The following MATN2 variants were observed in gnomAD, a reference collection of about 807,000 sequenced individuals.
MATN2 encodes the protein matrilin-2.
A neutral mutation model predicts 103.2 loss-of-function variants in MATN2; 69 were observed. The ratio of observed to expected loss-of-function variants is 0.67; its 90% CI spans 0.55 to 0.82. The LOEUF is 0.82. MATN2 is among the 40% of genes least tolerant of loss of function. The pLI, the probability that MATN2 is intolerant of heterozygous loss-of-function variation, is 0.00. For missense variants in MATN2, 1,023 were observed against 1,211.5 expected, an observed-to-expected ratio of 0.84 and a Z score of 2.31; for synonymous variants, 429 against 450.2, an observed-to-expected ratio of 0.95 and a Z score of 0.60.
At chr8:97,874,573 A>AT (rs911320951) in intron 1 of MATN2, among the ~76,000 whole-genome samples, 4 of 150,418 alleles carry the variant, frequency 2.7e-5, no homozygotes, top group East Asian at 2.0e-4. Context: ...GTCTGGCTAA[A>AT]TTTTTTTTTA....
At chr8:97,979,733 C>T (rs2130312212) in intron 6 of MATN2, among the ~76,000 whole-genome samples, 1 of 152,114 alleles carries the variant, frequency 6.6e-6, no homozygotes, top group Non-Finnish European at 1.5e-5. Flanking sequence ...AGTATTAGGG[C>T]CAAGCATTTA....
intron 2 of MATN2, among the ~76,000 whole-genome samples, chr8:97,900,921 C>T (rs911272540): frequency 9.2e-5 from 14 of 152,070 alleles, no homozygotes; most frequent in South Asian, 2.1e-4. Context: ...GGCAACAGAG[C>T]GAGACTCTGT....
chr8:97,951,399 G>A (rs1000395050), intron 4 of MATN2, among the ~76,000 whole-genome samples: 1 of 152,178 alleles, frequency 6.6e-6, no homozygotes, highest in Non-Finnish European at 1.5e-5. Flanking sequence ...TCCTCCGCTT[G>A]GCTGTTTTTA....
chr8:97,898,914 A>T (rs1196323438), intron 2 of MATN2, among the ~76,000 whole-genome samples: 1 of 150,288 alleles, frequency 6.7e-6, no homozygotes, highest in Non-Finnish European at 1.5e-5. Context: ...ATATCCAGCA[A>T]TTTTTTTTTT....
chr8:97,951,594 C>A (rs1386852121), intron 4 of MATN2, among the ~76,000 whole-genome samples: 6 of 152,280 alleles, frequency 3.9e-5, no homozygotes, highest in East Asian at 3.9e-4. Context: ...ATGTACGCTG[C>A]AGTTTAAGGA....
At chr8:98,026,840 G>A (rs1279357010) in intron 13 of MATN2, among the ~76,000 whole-genome samples, 1 of 152,162 alleles carries the variant, frequency 6.6e-6, no homozygotes, top group African/African-American at 2.4e-5. Flanking sequence ...TTGTGTCTTG[G>A]TCACTATTGC....
intron 13 of MATN2, chr8:98,025,834 A>G: frequency 2.7e-6 from 1 of 375,380 alleles, no homozygotes; most frequent in Non-Finnish European, 5.2e-6. Context: ...TCCACACCCA[A>G]ATTGCTTAAC....
intron 2 of MATN2, among the ~76,000 whole-genome samples, chr8:97,917,670 G>A (rs1220974855): frequency 1.3e-5 from 2 of 152,190 alleles, no homozygotes; most frequent in African/African-American, 4.8e-5. Flanking sequence ...GTATGTGGGG[G>A]AAGACCCTGG....
intron 2 of MATN2, among the ~76,000 whole-genome samples, chr8:97,916,090 GAC>G (rs1415544065): frequency 9.6e-6 from 1 of 104,154 alleles, no homozygotes; most frequent in Non-Finnish European, 2.4e-5. Context: ...TATTTTTTGA[GAC>G]AGAGTCTCAC....
At chr8:98,030,839 T>C (rs1040649007) in intron 15 of MATN2, among the ~76,000 whole-genome samples, 9 of 152,030 alleles carry the variant, frequency 5.9e-5, no homozygotes, top group Non-Finnish European at 1.3e-4. Flanking sequence ...ATTTTTGTAT[T>C]TTTAGTAGAG....
chr8:97,911,403 A>C (rs908852566), intron 2 of MATN2, among the ~76,000 whole-genome samples: 3 of 152,126 alleles, frequency 2.0e-5, no homozygotes, highest in Admixed American at 6.6e-5. Flanking sequence ...TTCCATAGCC[A>C]AAATAAAATA....
chr8:97,940,097 A>T (rs1810504674), intron 3 of MATN2, among the ~76,000 whole-genome samples: 1 of 152,136 alleles, frequency 6.6e-6, no homozygotes, highest in Non-Finnish European at 1.5e-5. Flanking sequence ...TGAGGTTCTT[A>T]TGAGGTAGGT....
In MATN2 at chr8:97,902,372, C is replaced by T. The variant is rs371698152; in HGVS notation, c.142+14130C>T. 3.3e-4 allele frequency among the ~76,000 whole-genome samples: 50 copies of T among 151,470 alleles called. No individual in the cohort carries two copies. In the South Asian group the frequency reaches 9.4e-3, roughly 29 times the overall value. On this transcript the variant is annotated intron_variant, in intron 2 of 18. Transcript: ENST00000254898. Reference sequence around the variant, plus strand: ...ATTAGCTGGGTGTGGTGGCGGGCACCTGTAATCCCAGCTACTTGGGAGGCT... The same window carrying T: ...ATTAGCTGGGTGTGGTGGCGGGCACTTGTAATCCCAGCTACTTGGGAGGCT...
intron 4 of MATN2, among the ~76,000 whole-genome samples, chr8:97,955,191 T>C (rs1003179611): frequency 2.0e-5 from 3 of 152,134 alleles, no homozygotes; most frequent in African/African-American, 7.2e-5. Flanking sequence ...CATTAGAGTT[T>C]TTGGACTCCA....
chr8:97,930,106 A>G (rs1810126421), intron 2 of MATN2, among the ~76,000 whole-genome samples: 1 of 152,182 alleles, frequency 6.6e-6, no homozygotes. Flanking sequence ...TCTCTAATCC[A>G]AACACCACGC....
chr8:97,943,326 C>T (rs113059164), intron 4 of MATN2, among the ~76,000 whole-genome samples: 3 of 146,614 alleles, frequency 2.0e-5, no homozygotes, highest in Admixed American at 6.9e-5. Context: ...CCCTCTGCCC[C>T]GGATGCTTCT....
intron 4 of MATN2, among the ~76,000 whole-genome samples, chr8:97,942,546 T>A (rs1361109681): frequency 6.6e-6 from 1 of 152,202 alleles, no homozygotes; most frequent in Non-Finnish European, 1.5e-5. Flanking sequence ...CTGAGTACCG[T>A]GTCCTTACTT....
intron 2 of MATN2, among the ~76,000 whole-genome samples, chr8:97,911,841 C>T (rs2130072900): frequency 6.6e-6 from 1 of 152,292 alleles, no homozygotes; most frequent in South Asian, 2.1e-4. Context: ...TCCATAGAAC[C>T]CTCAGTGCAG....
At chr8:98,008,229 C>T (rs1272145755) in intron 10 of MATN2, among the ~76,000 whole-genome samples, 2 of 49,596 alleles carry the variant, frequency 4.0e-5, no homozygotes, top group Non-Finnish European at 8.0e-5. Flanking sequence ...AATCTTGTCT[C>T]AATTAAAAAA....
Sources: gnomAD v4.1 joint callset for allele counts (sites outside exome capture counted in the v4.1 genomes callset) on GRCh38, gnomAD v4.1.1 for gene constraint, MANE v1.5 for transcripts, NCBI Gene and HGNC (gene_info 2026-07-23, HGNC 2026-07-21) for gene names.